WFS1: variants seen among roughly 807,000 people sequenced by gnomAD.
WFS1 encodes the protein wolframin.
Under a neutral mutation model 68.5 loss-of-function variants are expected in WFS1, and 90 were observed. That is an observed-to-expected ratio of 1.31 (90% CI 1.11 to 1.56). WFS1 has a LOEUF of 1.56. Among genes scored for constraint, WFS1 ranks in the 40% most tolerant of loss-of-function variants. WFS1 has a pLI of 0.00. For synonymous variants in WFS1, 860 were observed against 540.7 expected, an observed-to-expected ratio of 1.59 and a Z score of -8.19; for missense variants, 1,767 against 1,232.6, an observed-to-expected ratio of 1.43 and a Z score of -6.49.
At chr4:6,292,723 C>T (rs1047588894) in intron 6 of WFS1, among the ~76,000 whole-genome samples, 1 of 152,120 alleles carries the variant, frequency 6.6e-6, no homozygotes, top group Non-Finnish European at 1.5e-5. Flanking sequence ...GGGCCAAGAC[C>T]CAGGTCTGCC....
At chr4:6,285,528 C>T (rs934694403) in intron 2 of WFS1, among the ~76,000 whole-genome samples, 3 of 152,160 alleles carry the variant, frequency 2.0e-5, no homozygotes, top group African/African-American at 4.8e-5. Flanking sequence ...TCTCCAAACA[C>T]ATGCCTCACC....
At chr4:6,277,793 T>C (rs1730043730) in intron 2 of WFS1, 106 bp downstream of exon 2, 6 of 1,264,728 alleles carry the variant, frequency 4.7e-6, no homozygotes, top group South Asian at 1.3e-5. Context: ...TCCTCTGCAG[T>C]TCAGCATTGT....
chr4:6,300,589 G>A (rs1335072478), intron 7 of WFS1, 68 bp from the exon 8 acceptor site: 1 of 1,606,368 alleles, frequency 6.2e-7, no homozygotes, highest in Non-Finnish European at 8.5e-7. Flanking sequence ...GTGGTCAGAG[G>A]GAGGCGTGAG....
intron 1 of WFS1, among the ~76,000 whole-genome samples, chr4:6,270,415 C>CGAG: frequency 6.6e-6 from 1 of 151,890 alleles, no homozygotes; most frequent in African/African-American, 2.4e-5. Flanking sequence ...CACGGCCGCC[C>CGAG]TCGGTGCCCG....
In WFS1 at chr4:6,301,710, T is replaced by G; in HGVS notation, c.1915T>G (p.Trp639Gly). 1 of 1,614,074 alleles carries G rather than the reference T, an allele frequency of 6.2e-7. No homozygotes were observed. The highest frequency in any genetic ancestry group is 8.5e-7 in the Non-Finnish European group (1 of 1,180,046). ...CTCCATGGTCAAGCTCATCCTGGTG[T>G]GGCTCACGGCCATCGTGCTGTTCTG... ...RSSMVKLILV[W>G]LTAIVLFCWF... Residue 639 changes from tryptophan (W) to glycine (G), a missense_variant, in exon 8 of 8, where the codon TGG (tryptophan) becomes GGG (glycine). Trp to Gly is a radical substitution (Grantham distance 184). Transcript: ENST00000226760.
At chr4:6,298,395 T>G (rs1238818758) in intron 7 of WFS1, among the ~76,000 whole-genome samples, 1 of 152,250 alleles carries the variant, frequency 6.6e-6, no homozygotes, top group African/African-American at 2.4e-5. Flanking sequence ...CCTGGCCATC[T>G]CCTGGCAGTG....
chr4:6,279,316 C>T (rs562191655), intron 2 of WFS1, among the ~76,000 whole-genome samples: 1 of 152,360 alleles, frequency 6.6e-6, no homozygotes, highest in South Asian at 2.1e-4. Context: ...CCGAGCTAGG[C>T]ATCTTTTTAG....
rs908350855 is a variant in WFS1 at position 6,295,624 on chromosome 4, G to A, written c.861+435G>A. On this transcript the variant is annotated intron_variant, in intron 7 of 7. Coordinates refer to ENST00000226760, the MANE Select transcript of WFS1 (RefSeq NM_006005.3). ...CCGTGTCCGTCAGGCCAGGGAGGAC[G>A]TGCAGAGGCGCCTACTGCCCCTGGA... Among the ~76,000 whole-genome samples the A allele has an allele frequency of 3.9e-5, 6 of 152,330 alleles. No individual in the cohort carries two copies. In the South Asian group the frequency reaches 8.3e-4, roughly 21 times the overall value.
chr4:6,295,048 C>T lies in WFS1; in HGVS notation c.720C>T (p.Asn240=). The change falls in exon 7 of 8, where the codon AAC becomes AAT. Residue 240 remains asparagine, a synonymous_variant. Coordinates refer to ENST00000226760, the MANE Select transcript of WFS1 (RefSeq NM_006005.3). The part of the protein sequence containing the change: ...LERLVSSESK[N]YIALDDFVEI... ...TTTTCTCTCATGCTTCAGCCAAGAA[C>T]TACATCGCGCTGGATGACTTTGTGG... 7 of 1,613,556 alleles carry T rather than the reference C, an allele frequency of 4.3e-6. No homozygotes were observed. Among genetic ancestry groups the T allele is most frequent in the Non-Finnish European group, 4.2e-6 (5 of 1,180,008 alleles).
At chr4:6,299,116 T>C (rs1730747413) in intron 7 of WFS1, among the ~76,000 whole-genome samples, 1 of 152,240 alleles carries the variant, frequency 6.6e-6, no homozygotes, top group Non-Finnish European at 1.5e-5. Flanking sequence ...CCATGGCCAC[T>C]TTGTCCCCCA....
rs746635397 is a variant in WFS1 at position 6,287,238 on chromosome 4, C to T, written c.315+63C>T. The T allele has an allele frequency of 8.0e-5, 112 of 1,401,682 alleles. No homozygotes were observed. Among genetic ancestry groups the T allele is most frequent in the Non-Finnish European group, 9.6e-5 (97 of 1,013,234 alleles). 86.8% of individuals were successfully genotyped at this position (1,401,682 alleles called of 1,614,324 possible). ...GCCCCCGGCACAACAGGCCTGGCCA[C>T]GAGCTCCACAGCCCACAGAGAAGTG... On this transcript the variant is annotated intron_variant, in intron 3 of 7. Coordinates refer to ENST00000226760, the MANE Select transcript of WFS1 (RefSeq NM_006005.3). The surrounding 1 kb of genome is among the most constrained non-coding windows in gnomAD (Gnocchi z 6.4).
rs1430711946 is a variant in WFS1, at chr4:6,287,473, C to T, written c.315+298C>T. On this transcript the variant is annotated intron_variant, in intron 3 of 7. Coordinates refer to ENST00000226760, the MANE Select transcript of WFS1 (RefSeq NM_006005.3). This position sits in a 1 kb window ranked among gnomAD's most constrained non-coding sequence, Gnocchi z 6.4. ...TCCTGGCTTCCTGCAGCTGCCTGCT[C>T]AGTGCCACCCCTCAACATACACTGT... is the stretch of plus-strand genomic sequence containing the variant. Among the ~76,000 whole-genome samples, 1 of 152,190 alleles carries T rather than the reference C, an allele frequency of 6.6e-6. No individual in the cohort carries two copies. The highest frequency in any genetic ancestry group is 2.4e-5 in the African/African-American group (1 of 41,464).
At chr4:6,295,416 G>A (rs1056116266) in intron 7 of WFS1, among the ~76,000 whole-genome samples, 5 of 152,204 alleles carry the variant, frequency 3.3e-5, no homozygotes, top group African/African-American at 1.2e-4. Context: ...ACCAGGGGCG[G>A]TGTTGGGCAG....
intron 3 of WFS1, 63 bp from the exon 4 acceptor site, chr4:6,288,924 G>C: frequency 6.3e-7 from 1 of 1,579,902 alleles, no homozygotes. Context: ...AGGTGGGCTG[G>C]CAGGGAGCAT....
At chr4:6,281,592 A>ACAGCC (rs764273619) in intron 2 of WFS1, among the ~76,000 whole-genome samples, 3 of 152,106 alleles carry the variant, frequency 2.0e-5, no homozygotes, top group East Asian at 1.9e-4. Context: ...CGGTGGTGGC[A>ACAGCC]CAGCCTGAGG....
rs1478327645 is a variant in WFS1 at position 6,291,301 on chromosome 4, C to G, written c.565C>G (p.Pro189Ala). The G allele has an allele frequency of 1.2e-6, 2 of 1,613,372 alleles. No homozygotes were observed. The highest frequency in any genetic ancestry group is 2.7e-5 in the African/African-American group (2 of 74,884). The change falls in exon 5 of 8, where the codon CCC (proline) becomes GCC (alanine). Residue 189 changes from proline (P) to alanine (A), a missense_variant. Transcript: ENST00000226760. Reference sequence around the variant, plus strand: ...CCTGGTCATGTACTGGAAGCTCAACCCCAAGAAGAAGAAGCAGGTGGCCGT... The same window carrying G: ...CCTGGTCATGTACTGGAAGCTCAACGCCAAGAAGAAGAAGCAGGTGGCCGT... Reference protein sequence around the residue: ...AALVMYWKLNPKKKKQVAVAE... With the variant: ...AALVMYWKLNAKKKKQVAVAE...
intron 1 of WFS1, among the ~76,000 whole-genome samples, chr4:6,272,701 C>T (rs1433493551): frequency 6.6e-6 from 1 of 152,214 alleles, no homozygotes; most frequent in Non-Finnish European, 1.5e-5. Flanking sequence ...AATGAAACCG[C>T]GCATAAGCTT....
chr4:6,302,096 CAAG>C lies in WFS1; in HGVS notation c.2305_2307del (p.Lys769del). ...TGCTGGCCAAGCACCCCTGCCACAT[CAAG>C]AAGTTCGACCGCTACAAGTTTGAGA... On this transcript the variant is annotated inframe_deletion, in exon 8 of 8. Transcript: ENST00000226760. 1 of 1,612,934 alleles carries C rather than the reference CAAG, an allele frequency of 6.2e-7. No homozygotes were observed. Among genetic ancestry groups the C allele is most frequent in the Non-Finnish European group, 8.5e-7 (1 of 1,180,018 alleles).
chr4:6,302,488 G>T lies in WFS1; in HGVS notation c.*20G>T. ...GCCTGAGGATGGTCCGCCACGAGGA[G>T]CTTCCAGTGCATGTTGCCATGAGGC... On this transcript the variant is annotated 3_prime_UTR_variant, in exon 8 of 8. Coordinates refer to ENST00000226760, the MANE Select transcript of WFS1 (RefSeq NM_006005.3). 2 of 1,611,658 alleles carry T rather than the reference G, an allele frequency of 1.2e-6. No individual in the cohort carries two copies. The highest frequency in any genetic ancestry group is 1.1e-5 in the South Asian group (1 of 91,062).
Sources: gnomAD v4.1 joint callset for allele counts (sites outside exome capture counted in the v4.1 genomes callset) on GRCh38, gnomAD v4.1.1 for gene constraint, Gnocchi (gnomAD v3.1) non-coding constraint, MANE v1.5 for transcripts, NCBI Gene and HGNC (gene_info 2026-07-23, HGNC 2026-07-21) for gene names.